The following SPATA16 variants were observed in gnomAD, a reference collection of about 807,000 sequenced individuals.
SPATA16 encodes the protein spermatogenesis-associated protein 16.
In SPATA16, 36 loss-of-function variants were observed where a neutral mutation model predicts 63.3. The ratio of observed to expected loss-of-function variants is 0.57; its 90% CI spans 0.44 to 0.75. SPATA16 has a LOEUF of 0.75. Ranked by LOEUF, SPATA16 falls within the 30% of genes least tolerant of loss-of-function variation. The probability of loss-of-function intolerance (pLI) is 0.00; values close to 1 mark genes in which losing one functional copy is unlikely to be tolerated. For synonymous variants in SPATA16, 203 were observed against 216.7 expected (o/e 0.94, Z 0.56); for missense variants, 646 against 679.3 (o/e 0.95, Z 0.54).
chr3:173,002,883 T>C (rs1734856753), intron 4 of SPATA16, among the ~76,000 whole-genome samples: 2 of 152,208 alleles, frequency 1.3e-5, no homozygotes, highest in Non-Finnish European at 2.9e-5. Context: ...AGCAGATTCC[T>C]AGCTCTCTCA....
intron 2 of SPATA16, among the ~76,000 whole-genome samples, chr3:173,090,608 AG>A (rs1443137331): frequency 1.7e-4 from 26 of 152,150 alleles, no homozygotes; most frequent in African/African-American, 6.0e-4. Context: ...GCTGAGGGGG[AG>A]CCAGATTGAA....
chr3:173,042,874 A>G (rs1735875480), intron 3 of SPATA16, among the ~76,000 whole-genome samples: 1 of 152,192 alleles, frequency 6.6e-6, no homozygotes, highest in African/African-American at 2.4e-5. Context: ...CATTATGGTT[A>G]GAGAACAAGC....
chr3:173,034,679 G>GTC (rs1735676074), intron 3 of SPATA16, among the ~76,000 whole-genome samples: 1 of 152,090 alleles, frequency 6.6e-6, no homozygotes, highest in African/African-American at 2.4e-5. Context: ...TTGTATTTAT[G>GTC]TAGATAATGT....
intron 4 of SPATA16, among the ~76,000 whole-genome samples, chr3:173,005,420 C>T (rs1734921568): frequency 6.6e-6 from 1 of 151,224 alleles, no homozygotes; most frequent in South Asian, 2.1e-4. Flanking sequence ...CATTTTGGGG[C>T]CTCTCTGTGT....
intron 1 of SPATA16, among the ~76,000 whole-genome samples, chr3:173,137,866 CACACACAG>C (rs1251757068): frequency 5.2e-4 from 78 of 150,572 alleles, no homozygotes; most frequent in South Asian, 8.4e-4. Context: ...CACACACACA[CACACACAG>C]ACACACACAC....
At chr3:173,130,109 T>C (rs1560133834) in intron 1 of SPATA16, among the ~76,000 whole-genome samples, 1 of 152,084 alleles carries the variant, frequency 6.6e-6, no homozygotes, top group Non-Finnish European at 1.5e-5. Flanking sequence ...AAGCCTGTAA[T>C]CCCAGCACTT....
At chr3:173,018,987 G>A (rs557068880) in intron 4 of SPATA16, among the ~76,000 whole-genome samples, 4 of 152,210 alleles carry the variant, frequency 2.6e-5, no homozygotes, top group South Asian at 4.2e-4. Context: ...GCAAATATTA[G>A]GGGAAGCTTC....
At chr3:172,911,342 C>T (rs1009217855) in intron 10 of SPATA16, among the ~76,000 whole-genome samples, 1 of 152,176 alleles carries the variant, frequency 6.6e-6, no homozygotes, top group Non-Finnish European at 1.5e-5. Flanking sequence ...ACCAGCTGAG[C>T]AGCACCTTCT....
chr3:172,968,690 A>T (rs1014327401), intron 5 of SPATA16, among the ~76,000 whole-genome samples: 1 of 152,190 alleles, frequency 6.6e-6, no homozygotes, highest in African/African-American at 2.4e-5. Context: ...CTATACAACC[A>T]GCAAATAATG....
intron 5 of SPATA16, among the ~76,000 whole-genome samples, chr3:172,962,070 T>C (rs564052022): frequency 8.6e-5 from 13 of 151,938 alleles, no homozygotes; most frequent in South Asian, 6.2e-4. Flanking sequence ...ATGGCCAACA[T>C]GGTGAAACCC....
At position 172,889,707 on chromosome 3, in the gene SPATA16, C is replaced by G; in HGVS notation, c.1588-15G>C. ...ATTTGTCCAACCTAGAAGAAATAAA[C>G]AGATGCAACAAGATTTGTTGTTGTT... On this transcript the variant is annotated splice_polypyrimidine_tract_variant and intron_variant, in intron 10 of 10. Coordinates refer to ENST00000351008, the MANE Select transcript of SPATA16 (RefSeq NM_031955.6). 6.2e-7 allele frequency: 1 copy of G among 1,609,674 alleles called. No individual in the cohort carries two copies. The highest frequency in any genetic ancestry group is 8.5e-7 in the Non-Finnish European group (1 of 1,178,444).
intron 1 of SPATA16, among the ~76,000 whole-genome samples, chr3:173,133,794 A>G (rs762009865): frequency 1.3e-5 from 2 of 152,208 alleles, no homozygotes; most frequent in Non-Finnish European, 2.9e-5. Context: ...AAAGAAAGGA[A>G]AAAGGAAAGA....
chr3:173,057,115 C>CTTTTTTT (rs397876631), intron 2 of SPATA16, among the ~76,000 whole-genome samples: 1 of 138,186 alleles, frequency 7.2e-6, no homozygotes, highest in Admixed American at 7.2e-5. Context: ...CTTTTCTTTT[C>CTTTTTTT]TTTTTTTTTT....
intron 10 of SPATA16, among the ~76,000 whole-genome samples, chr3:172,890,399 G>A (rs898001476): frequency 1.3e-5 from 2 of 152,130 alleles, no homozygotes; most frequent in African/African-American, 2.4e-5. Flanking sequence ...ATGCTGAATT[G>A]ATTTCTCATG....
intron 4 of SPATA16, among the ~76,000 whole-genome samples, chr3:173,001,852 G>A (rs915570673): frequency 1.3e-5 from 2 of 152,130 alleles, no homozygotes; most frequent in Non-Finnish European, 2.9e-5. Flanking sequence ...TGTTAGTGTG[G>A]AGTAATGACT....
intron 4 of SPATA16, among the ~76,000 whole-genome samples, chr3:173,001,500 T>A (rs1453038443): frequency 1.3e-5 from 2 of 152,180 alleles, no homozygotes; most frequent in Admixed American, 1.3e-4. Context: ...TTTATTCTGA[T>A]CTTTACCGTA....
chr3:173,014,742 G>C (rs1735143510), intron 4 of SPATA16, among the ~76,000 whole-genome samples: 1 of 152,186 alleles, frequency 6.6e-6, no homozygotes, highest in Admixed American at 6.5e-5. Flanking sequence ...CACTCTCTTT[G>C]GAAGGGCCAG....
At chr3:172,953,739 C>T (rs529244164) in intron 6 of SPATA16, among the ~76,000 whole-genome samples, 3 of 152,140 alleles carry the variant, frequency 2.0e-5, no homozygotes, top group Non-Finnish European at 4.4e-5. Context: ...TTCACTGACC[C>T]TTTTGGACAC....
At chr3:173,112,038 G>A (rs182778318) in intron 2 of SPATA16, among the ~76,000 whole-genome samples, 1 of 152,166 alleles carries the variant, frequency 6.6e-6, no homozygotes, top group African/African-American at 2.4e-5. Flanking sequence ...GGGTAAAACT[G>A]CTCCATATTT....
Sources: gnomAD v4.1 joint callset for allele counts (sites outside exome capture counted in the v4.1 genomes callset) on GRCh38, gnomAD v4.1.1 for gene constraint, MANE v1.5 for transcripts, NCBI Gene and HGNC (gene_info 2026-07-23, HGNC 2026-07-21) for gene names.